Variants in ZNF536 observed in about 807,000 individuals in gnomAD.
ZNF536 encodes the protein zinc finger protein 536.
ZNF536 carries 13 observed loss-of-function variants against 84.5 expected under a neutral mutation model. The ratio of observed to expected loss-of-function variants is 0.15; its 90% CI spans 0.10 to 0.24. ZNF536 has a LOEUF of 0.24. Among genes scored for constraint, ZNF536 ranks in the 10% least tolerant of loss-of-function variants. The probability of loss-of-function intolerance (pLI) is 1.00; values close to 1 mark genes in which losing one functional copy is unlikely to be tolerated. For missense variants in ZNF536, 1,536 were observed against 1,747.5 expected (o/e 0.88, Z 2.16); for synonymous variants, 811 against 742.5 (o/e 1.09, Z -1.50).
intron 1 of ZNF536, among the ~76,000 whole-genome samples, chr19:30,277,480 A>G (rs1409127943): frequency 6.6e-6 from 1 of 152,228 alleles, no homozygotes; most frequent in Non-Finnish European, 1.5e-5. Flanking sequence ...TAGCTTCTCC[A>G]TCAAAGTTAC....
intron 1 of ZNF536, among the ~76,000 whole-genome samples, chr19:30,231,923 G>T (rs1807792297): frequency 6.6e-6 from 1 of 152,180 alleles, no homozygotes; most frequent in Non-Finnish European, 1.5e-5. Flanking sequence ...GGATAGACTG[G>T]TGAGTTTGTA....
chr19:30,461,729 G>T (rs1461166059), intron 2 of ZNF536, among the ~76,000 whole-genome samples: 1 of 152,202 alleles, frequency 6.6e-6, no homozygotes, highest in Non-Finnish European at 1.5e-5. Context: ...GCTTGCCCCC[G>T]TCTCAGTTCC....
chr19:30,632,735 G>A (rs775177292), intron 1 of ZNF536, among the ~76,000 whole-genome samples: 1 of 152,144 alleles, frequency 6.6e-6, no homozygotes, highest in Non-Finnish European at 1.5e-5. Context: ...ACCTCTCCCA[G>A]TGTTAATTGT....
intron 1 of ZNF536, among the ~76,000 whole-genome samples, chr19:30,246,867 G>T (rs879789437): frequency 1.3e-5 from 2 of 152,080 alleles, no homozygotes; most frequent in African/African-American, 4.8e-5. Flanking sequence ...AGTCTACCAG[G>T]GATATTTGAA....
At chr19:30,483,394 C>A (rs562130858) in intron 2 of ZNF536, among the ~76,000 whole-genome samples, 4 of 152,244 alleles carry the variant, frequency 2.6e-5, no homozygotes, top group East Asian at 3.9e-4. Context: ...CCCATTGGCA[C>A]CTCAAACTCA....
At chr19:30,240,228 C>T (rs1038098344) in intron 1 of ZNF536, among the ~76,000 whole-genome samples, 1 of 152,042 alleles carries the variant, frequency 6.6e-6, no homozygotes, top group African/African-American at 2.4e-5. Flanking sequence ...AAAAAATTAG[C>T]CAGGCATGGT....
At position 30,577,994 on chromosome 19, in the gene ZNF536, T is replaced by C. The variant is rs186061769; in HGVS notation, c.169+28480T>C. On this transcript the variant is annotated intron_variant, in intron 1 of 1. Coordinates refer to the ZNF536 transcript ENST00000592773. ...CTTTTAAAACAGATATGGTTACATA[T>C]TAGTTTTGAAAGGTACAGGGATGGG... is the stretch of plus-strand genomic sequence containing the variant. Among the ~76,000 whole-genome samples, 143 of 152,268 alleles carry C rather than the reference T, an allele frequency of 9.4e-4. 1 individual carries two copies. Among genetic ancestry groups the C allele is most frequent in the African/African-American group, 3.1e-3 (129 of 41,570 alleles).
intron 2 of ZNF536, among the ~76,000 whole-genome samples, chr19:30,343,817 A>G (rs1471687104): frequency 6.6e-6 from 1 of 152,016 alleles, no homozygotes; most frequent in Non-Finnish European, 1.5e-5. Flanking sequence ...AAAGATACAC[A>G]TTTCTGCCCC....
chr19:30,293,625 G>A (rs930614643), intron 2 of ZNF536, among the ~76,000 whole-genome samples: 2 of 152,196 alleles, frequency 1.3e-5, no homozygotes, highest in African/African-American at 4.8e-5. Flanking sequence ...TGTGGTTTAG[G>A]CCTGGCAGAG....
intron 1 of ZNF536, chr19:30,665,182 A>G (rs1036647884): frequency 5.3e-5 from 8 of 152,140 alleles, no homozygotes; most frequent in Non-Finnish European, 8.8e-5. Flanking sequence ...TGACTCTACT[A>G]AAACTATAAA....
chr19:30,467,263 C>G (rs2053451898), intron 2 of ZNF536, among the ~76,000 whole-genome samples: 1 of 152,234 alleles, frequency 6.6e-6, no homozygotes, highest in African/African-American at 2.4e-5. Flanking sequence ...CCATTCACCA[C>G]AACTCCCCAT....
chr19:30,439,955 C>CTTTTTTTTTTTTTTTTTTTTTTTT (rs1369505835), intron 1 of ZNF536, among the ~76,000 whole-genome samples: 1 of 133,046 alleles, frequency 7.5e-6, no homozygotes, highest in East Asian at 2.5e-4. Flanking sequence ...CTTTTTCTTT[C>CTTTTTTTTTTTTTTTTTTTTTTTT]TTTCTTTTTT....
chr19:30,666,341 G>A (rs572176827), intron 1 of ZNF536, among the ~76,000 whole-genome samples: 50 of 152,204 alleles, frequency 3.3e-4, no homozygotes, highest in Admixed American at 2.0e-3. Flanking sequence ...GAAGCTGGCC[G>A]GGTCCGACAC....
intron 2 of ZNF536, among the ~76,000 whole-genome samples, chr19:30,334,854 C>A (rs2047330081): frequency 6.6e-6 from 1 of 152,228 alleles, no homozygotes; most frequent in East Asian, 1.9e-4. Context: ...GCATTAGATT[C>A]TCATAAGGAG....
chr19:30,371,600 C>T (rs2048615003), upstream of ZNF536, among the ~76,000 whole-genome samples: 2 of 147,596 alleles, frequency 1.4e-5, no homozygotes, highest in African/African-American at 5.0e-5. Flanking sequence ...CTCAATGCCA[C>T]ATGCTATCCA....
rs1243714595 is a variant in ZNF536 at position 30,548,418 on chromosome 19, G to A, written c.2799G>A (p.Glu933=). Residue 933 remains glutamate, a synonymous_variant, in exon 4 of 5, where the codon GAG becomes GAA. Coordinates refer to ENST00000355537, the MANE Select transcript of ZNF536 (RefSeq NM_014717.3). ...DSFVLSSLKK[E]KDMKDKALAD... is the part of the protein sequence containing the mutation. ...TTGTCCTCAGTTCCTTGAAGAAGGA[G>A]AAGGACATGAAGGACAAAGCCCTGG... is the stretch of plus-strand genomic sequence containing the variant. The A allele has an allele frequency of 1.2e-6, 2 of 1,614,178 alleles. No individual in the cohort carries two copies. Among genetic ancestry groups the A allele is most frequent in the Admixed American group, 1.7e-5 (1 of 60,034 alleles).
At chr19:30,348,511 G>T (rs2047821584) in intron 2 of ZNF536, among the ~76,000 whole-genome samples, 1 of 152,168 alleles carries the variant, frequency 6.6e-6, no homozygotes, top group Non-Finnish European at 1.5e-5. Context: ...GCACCCCTGT[G>T]GGTCCCCTCA....
At chr19:30,455,100 G>A (rs1222366224) in intron 2 of ZNF536, among the ~76,000 whole-genome samples, 2 of 152,054 alleles carry the variant, frequency 1.3e-5, no homozygotes, top group Non-Finnish European at 2.9e-5. Flanking sequence ...CACGAGTCCC[G>A]TTCACTGACT....
chr19:30,251,010 G>A (rs1237237743), intron 1 of ZNF536, among the ~76,000 whole-genome samples: 1 of 151,972 alleles, frequency 6.6e-6, no homozygotes, highest in African/African-American at 2.4e-5. Context: ...TAAGATCTCG[G>A]TGAACTTGAT....
Sources: gnomAD v4.1 joint callset for allele counts (sites outside exome capture counted in the v4.1 genomes callset) on GRCh38, gnomAD v4.1.1 for gene constraint, MANE v1.5 for transcripts, NCBI Gene and HGNC (gene_info 2026-07-23, HGNC 2026-07-21) for gene names.